Variants in SOX6 observed in about 807,000 individuals in gnomAD.
SOX6 encodes transcription factor SOX-6.
In SOX6, 11 loss-of-function variants were observed where a neutral mutation model predicts 97.8. That is an observed-to-expected ratio of 0.11 (90% CI 0.07 to 0.19). The LOEUF (loss-of-function observed/expected upper bound fraction) is 0.19, where lower values mean the gene tolerates loss of function less well. Among genes scored for constraint, SOX6 ranks in the 10% least tolerant of loss-of-function variants. SOX6 has a pLI of 1.00. For synonymous variants in SOX6, 360 were observed against 371.4 expected (o/e 0.97, Z 0.35); for missense variants, 810 against 1,039.5 (o/e 0.78, Z 3.04).
intron 4 of SOX6, among the ~76,000 whole-genome samples, chr11:16,490,069 AT>A (rs1021965438): frequency 6.6e-5 from 10 of 152,120 alleles, no homozygotes; most frequent in Non-Finnish European, 1.0e-4. Context: ...GTGTTCAATA[AT>A]TTTTGGCAAT....
intron 4 of SOX6, among the ~76,000 whole-genome samples, chr11:16,234,178 G>C (rs1005310036): frequency 6.6e-6 from 1 of 151,984 alleles, no homozygotes; most frequent in East Asian, 1.9e-4. Context: ...CATTTTTAAA[G>C]GTGCTACAGG....
At chr11:16,646,471 GTT>G (rs527659052) in intron 3 of SOX6, among the ~76,000 whole-genome samples, 1 of 142,332 alleles carries the variant, frequency 7.0e-6, no homozygotes. Context: ...TATTTTCTTT[GTT>G]TTTTTTTTTT....
In SOX6 at chr11:16,554,223, C is replaced by A. The variant is rs577728208; in HGVS notation, n.609+57858G>T. On this transcript the variant is annotated intron_variant and non_coding_transcript_variant, in intron 4 of 5. Coordinates refer to the SOX6 transcript ENST00000524520. ...AACTAATAACAAAAATGCTTAAAAC[C>A]CTTTGATAACAGGTTTCTCAAAGTT... Among the ~76,000 whole-genome samples, 30 of 151,974 alleles carry A rather than the reference C, an allele frequency of 2.0e-4. 1 individual carries two copies. In the South Asian group the frequency reaches 5.8e-3, roughly 29 times the overall value.
Position 16,143,609 on chromosome 11 carries a change from T to C in SOX6, c.778-31686A>G, listed in dbSNP as rs542778989. Among the ~76,000 whole-genome samples the C allele has an allele frequency of 6.6e-5, 10 of 152,154 alleles. No individual in the cohort carries two copies. In the East Asian group the frequency reaches 1.9e-3, roughly 29 times the overall value. ...AGCGTGCTGTATTCAGGAGACCCATTTCACGTGCAGAGACACACATAGGCT... is the reference window on the plus strand; with the variant it reads ...AGCGTGCTGTATTCAGGAGACCCATCTCACGTGCAGAGACACACATAGGCT... On this transcript the variant is annotated intron_variant, in intron 6 of 15. Coordinates refer to ENST00000683767, the MANE Select transcript of SOX6 (RefSeq NM_001367873.1).
intron 6 of SOX6, among the ~76,000 whole-genome samples, chr11:16,160,134 G>T (rs1438398842): frequency 6.6e-6 from 1 of 152,180 alleles, no homozygotes; most frequent in Non-Finnish European, 1.5e-5. Flanking sequence ...TAAGGTACAA[G>T]ATATTTACTA....
intron 4 of SOX6, among the ~76,000 whole-genome samples, chr11:16,487,597 C>T (rs1440108912): frequency 6.6e-6 from 1 of 152,166 alleles, no homozygotes; most frequent in African/African-American, 2.4e-5. Flanking sequence ...AATCATTTAA[C>T]AAAATCTTGC....
intron 13 of SOX6, among the ~76,000 whole-genome samples, chr11:16,011,241 C>A (rs1356238300): frequency 6.6e-6 from 1 of 152,040 alleles, no homozygotes; most frequent in Non-Finnish European, 1.5e-5. Context: ...ACTAATCAAG[C>A]CCTCTCTTCC....
At chr11:16,104,596 TACAC>T (rs528458310) in intron 7 of SOX6, among the ~76,000 whole-genome samples, 4 of 150,384 alleles carry the variant, frequency 2.7e-5, no homozygotes, top group Admixed American at 6.7e-5. Context: ...ATTACACACA[TACAC>T]ACACACACAC....
intron 3 of SOX6, among the ~76,000 whole-genome samples, chr11:16,269,313 T>A (rs1854175711): frequency 6.6e-6 from 1 of 150,890 alleles, no homozygotes; most frequent in African/African-American, 2.4e-5. Flanking sequence ...AATTACAGAC[T>A]TTATAGTTTG....
At chr11:16,234,075 T>C (rs547036808) in intron 4 of SOX6, among the ~76,000 whole-genome samples, 4 of 150,672 alleles carry the variant, frequency 2.7e-5, no homozygotes, top group Non-Finnish European at 5.9e-5. Context: ...TTGTCCAAAG[T>C]TACTCTGTCC....
At chr11:16,126,146 G>C (rs975682911) in intron 6 of SOX6, among the ~76,000 whole-genome samples, 9 of 152,024 alleles carry the variant, frequency 5.9e-5, no homozygotes, top group Admixed American at 2.0e-4. Context: ...TTTTGGCTTT[G>C]GGTAGCTTAT....
At chr11:16,293,747 C>A (rs532983022) in intron 3 of SOX6, among the ~76,000 whole-genome samples, 8 of 152,002 alleles carry the variant, frequency 5.3e-5, no homozygotes, top group Admixed American at 3.9e-4. Context: ...TGTGAAATTA[C>A]AACCAACCAA....
At chr11:16,191,401 C>A (rs1027719423) in intron 4 of SOX6, among the ~76,000 whole-genome samples, 4 of 152,084 alleles carry the variant, frequency 2.6e-5, no homozygotes, top group Admixed American at 6.6e-5. Flanking sequence ...TTCAAGACTG[C>A]AGTGAGCCAT....
chr11:16,517,622 C>T (rs1239582926), intron 4 of SOX6, among the ~76,000 whole-genome samples: 1 of 152,154 alleles, frequency 6.6e-6, no homozygotes, highest in Non-Finnish European at 1.5e-5. Context: ...ATAACCTATA[C>T]ATTTAACATC....
At chr11:16,450,520 A>G (rs1451129057) in intron 1 of SOX6, among the ~76,000 whole-genome samples, 2 of 152,212 alleles carry the variant, frequency 1.3e-5, no homozygotes, top group Non-Finnish European at 2.9e-5. Flanking sequence ...CACAGATCAA[A>G]CTTTCTAACC....
At chr11:16,292,341 A>C (rs1390060585) in intron 3 of SOX6, among the ~76,000 whole-genome samples, 1 of 152,102 alleles carries the variant, frequency 6.6e-6, no homozygotes, top group Non-Finnish European at 1.5e-5. Flanking sequence ...TGGAAAGGGG[A>C]TTTATAAGTA....
chr11:16,132,403 A>AAG lies in SOX6; in HGVS notation c.778-20482_778-20481dup, dbSNP rs1564972353. ...GAAAGAAAGAAAGAAAGAAAGAAAA[A>AAG]AGAAAGAAAGAAAGAAAGAAAGAAA... is the stretch of plus-strand genomic sequence containing the variant. On this transcript the variant is annotated intron_variant, in intron 6 of 15. Coordinates refer to ENST00000683767, the MANE Select transcript of SOX6 (RefSeq NM_001367873.1). Among the ~76,000 whole-genome samples the AAG allele has an allele frequency of 1.5e-4, 8 of 53,060 alleles. 1 individual carries two copies. Among genetic ancestry groups the AAG allele is most frequent in the East Asian group, 8.4e-4 (1 of 1,190 alleles). 34.8% of individuals were successfully genotyped at this position (53,060 alleles called of 152,430 possible).
intron 2 of SOX6, 39 bp from the exon 3 acceptor site, chr11:16,318,692 G>A (rs776928277): frequency 7.0e-6 from 11 of 1,578,956 alleles, no homozygotes; most frequent in East Asian, 4.5e-5. Context: ...TAGAATATAC[G>A]TTTCTTTGCA....
chr11:16,199,442 T>A (rs930703593), intron 4 of SOX6, among the ~76,000 whole-genome samples: 16 of 152,212 alleles, frequency 1.1e-4, no homozygotes, highest in Admixed American at 2.0e-4. Flanking sequence ...TCACACAGCT[T>A]GTTAGCTTGT....
Sources: gnomAD v4.1 joint callset for allele counts (sites outside exome capture counted in the v4.1 genomes callset) on GRCh38, gnomAD v4.1.1 for gene constraint, MANE v1.5 for transcripts, NCBI Gene and HGNC (gene_info 2026-07-23, HGNC 2026-07-21) for gene names.